The following SYT1 variants were observed in gnomAD, a reference collection of about 807,000 sequenced individuals.
The protein encoded by SYT1 is synaptotagmin 1.
A neutral mutation model predicts 44.8 loss-of-function variants in SYT1; 8 were observed. The observed-to-expected ratio is 0.18, with a 90% CI of 0.10 to 0.32. The LOEUF (loss-of-function observed/expected upper bound fraction) is 0.32. Ranked by LOEUF, SYT1 falls within the 10% of genes least tolerant of loss-of-function variation. The pLI is 1.00. For synonymous variants in SYT1, 154 were observed against 188.8 expected, an observed-to-expected ratio of 0.82 and a Z score of 1.51; for missense variants, 286 against 509.3, an observed-to-expected ratio of 0.56 and a Z score of 4.22.
At position 79,040,247 on chromosome 12, in the gene SYT1, A is replaced by G. The variant is rs1439338624; in HGVS notation, c.-83-7050A>G. ...AGTTTACAGTCCCACCAACAGTGTAAAAGTGTTCCTATTTCTCCACATCCT... is the reference window on the plus strand; with the variant it reads ...AGTTTACAGTCCCACCAACAGTGTAGAAGTGTTCCTATTTCTCCACATCCT... On this transcript the variant is annotated intron_variant, in intron 2 of 10. Coordinates refer to ENST00000261205, the MANE Select transcript of SYT1 (RefSeq NM_005639.3). Among the ~76,000 whole-genome samples, 10 of 150,736 alleles carry G rather than the reference A, an allele frequency of 6.6e-5. No homozygotes were observed. In the East Asian group the frequency reaches 9.9e-4, roughly 15 times the overall value.
chr12:79,315,229 G>C (rs1394943254), intron 8 of SYT1, among the ~76,000 whole-genome samples: 1 of 151,174 alleles, frequency 6.6e-6, no homozygotes, highest in Non-Finnish European at 1.5e-5. Context: ...AAAATTATTT[G>C]AGACAGGGTC....
At chr12:79,117,712 T>TATAAATAA (rs1555199609) in intron 3 of SYT1, among the ~76,000 whole-genome samples, 1 of 85,334 alleles carries the variant, frequency 1.2e-5, no homozygotes, top group Non-Finnish European at 2.3e-5. Context: ...TATATATATA[T>TATAAATAA]ATAAAATAAA....
At chr12:78,973,925 AAAAAAAAAAAAAAATATATAT>A (rs1868568909) in intron 1 of SYT1, among the ~76,000 whole-genome samples, 3 of 31,206 alleles carry the variant, frequency 9.6e-5, no homozygotes, top group African/African-American at 3.6e-4. Context: ...CCAAAAAAAA[AAAAAAAAAAAAAAATATATAT>A]ATATATATAT....
chr12:79,244,220 T>C (rs1318599017), intron 4 of SYT1, among the ~76,000 whole-genome samples: 1 of 152,234 alleles, frequency 6.6e-6, no homozygotes, highest in African/African-American at 2.4e-5. Flanking sequence ...CCTTCATCAC[T>C]ATCATTGGCT....
At chr12:78,888,673 C>T (rs1029124487) in intron 1 of SYT1, among the ~76,000 whole-genome samples, 2 of 151,872 alleles carry the variant, frequency 1.3e-5, no homozygotes, top group African/African-American at 4.8e-5. Flanking sequence ...ACCTTCTGAA[C>T]TCCTCTTTAC....
At chr12:78,942,723 T>A (rs535278684) in intron 1 of SYT1, among the ~76,000 whole-genome samples, 7 of 152,352 alleles carry the variant, frequency 4.6e-5, no homozygotes, top group African/African-American at 1.7e-4. Context: ...TTCTGACTTA[T>A]CTCGCCATCC....
intron 10 of SYT1, among the ~76,000 whole-genome samples, chr12:79,448,112 A>ATAGGT (rs1870836550): frequency 6.6e-6 from 1 of 152,206 alleles, no homozygotes; most frequent in Admixed American, 6.5e-5. Context: ...CCATAATGGT[A>ATAGGT]TAGGTTTGCT....
At chr12:78,900,590 A>G (rs1327164454) in intron 1 of SYT1, among the ~76,000 whole-genome samples, 2 of 151,938 alleles carry the variant, frequency 1.3e-5, no homozygotes, top group South Asian at 2.1e-4. Context: ...GTGTGTCTGA[A>G]AAATGGAGAG....
intron 10 of SYT1, among the ~76,000 whole-genome samples, chr12:79,446,311 T>A (rs1412845886): frequency 1.3e-5 from 2 of 151,826 alleles, no homozygotes; most frequent in African/African-American, 4.8e-5. Flanking sequence ...GTCCTCTCTT[T>A]TTCAAGTTAA....
At position 78,917,081 on chromosome 12, in the gene SYT1, C is replaced by T. The variant is rs112737462; in HGVS notation, c.-217+51972C>T. The stretch of plus-strand genomic sequence containing the variant: ...ACCTGGGACCACAGGCATGCACCAC[C>T]ATGCAGAGCTATTTTTTTTATATTT... On this transcript the variant is annotated intron_variant, in intron 1 of 10. Coordinates refer to ENST00000261205, the MANE Select transcript of SYT1 (RefSeq NM_005639.3). 3.3e-3 allele frequency among the ~76,000 whole-genome samples: 506 copies of T among 152,042 alleles called. 2 individuals are homozygous for T. The highest frequency in any genetic ancestry group is 5.6e-3 in the Non-Finnish European group (378 of 67,952).
At position 79,384,987 on chromosome 12, in the gene SYT1, A is replaced by ATTTT. The variant is rs3067387; in HGVS notation, c.928+31384_928+31387dup. 5.2e-4 allele frequency among the ~76,000 whole-genome samples: 67 copies of ATTTT among 129,896 alleles called. 3 individuals are homozygous for ATTTT. Among genetic ancestry groups the ATTTT allele is most frequent in the Non-Finnish European group, 6.5e-4 (41 of 62,956 alleles). 85.2% of individuals were successfully genotyped at this position (129,896 alleles called of 152,430 possible). A position where few individuals can be genotyped will look rare whatever the true frequency, so the allele number is the denominator to read the frequency against. On this transcript the variant is annotated intron_variant, in intron 9 of 10. Coordinates refer to ENST00000261205, the MANE Select transcript of SYT1 (RefSeq NM_005639.3). Reference sequence around the variant, plus strand: ...AGCAGCTAATGGAAGGGACCACTGGATTTTTTTTTTTTTTTTTTTGAGACA... The same window carrying ATTTT: ...AGCAGCTAATGGAAGGGACCACTGGATTTTTTTTTTTTTTTTTTTTTTTGAGACA...
chr12:79,386,307 T>C (rs11114049), intron 9 of SYT1, among the ~76,000 whole-genome samples: 18,324 of 99,340 alleles, frequency 0.18, 1,180 homozygotes, highest in Non-Finnish European at 0.26. Context: ...AATACATTTT[T>C]GGGTTTTTTT....
chr12:79,229,686 C>T (rs1275064060), intron 4 of SYT1, among the ~76,000 whole-genome samples: 2 of 151,908 alleles, frequency 1.3e-5, no homozygotes, highest in Admixed American at 6.6e-5. Context: ...TTCCGCTTCC[C>T]GGGTTCAAGC....
intron 3 of SYT1, among the ~76,000 whole-genome samples, chr12:79,145,181 A>G (rs1375997700): frequency 6.6e-6 from 1 of 152,186 alleles, no homozygotes; most frequent in African/African-American, 2.4e-5. Flanking sequence ...AATGCTTTAG[A>G]TGGTAACAAA....
rs570530314 is a variant in SYT1, at chr12:79,256,776, A to G, written c.167-29011A>G. On this transcript the variant is annotated intron_variant, in intron 4 of 10. Coordinates refer to ENST00000261205, the MANE Select transcript of SYT1 (RefSeq NM_005639.3). ...AAGAAAAATGCCATCTACTCAAGTTAATTAATCCATGTTTCTCATTTGTTT... is the reference window on the plus strand; with the variant it reads ...AAGAAAAATGCCATCTACTCAAGTTGATTAATCCATGTTTCTCATTTGTTT... Among the ~76,000 whole-genome samples the G allele has an allele frequency of 2.6e-5, 4 of 152,328 alleles. No homozygotes were observed. The East Asian group carries it at 7.7e-4, about 29-fold the overall frequency.
intron 1 of SYT1, among the ~76,000 whole-genome samples, chr12:78,876,756 TTA>T (rs1170394424): frequency 8.2e-5 from 6 of 73,356 alleles, no homozygotes; most frequent in East Asian, 4.1e-4. Flanking sequence ...ATATTGTATA[TTA>T]TATATATTAT....
chr12:79,392,798 C>CTTTTTTTTTT (rs755888075), intron 9 of SYT1: 2 of 98,878 alleles, frequency 2.0e-5, no homozygotes, highest in Non-Finnish European at 2.1e-5. Flanking sequence ...ATTTTTCTTT[C>CTTTTTTTTTT]TTTTTTTTTT....
At chr12:79,196,553 G>T (rs1030326847) in intron 3 of SYT1, among the ~76,000 whole-genome samples, 7 of 152,154 alleles carry the variant, frequency 4.6e-5, no homozygotes, top group African/African-American at 1.7e-4. Context: ...GGAGGAAAAG[G>T]AATTAGTCCA....
At chr12:79,143,019 T>C (rs1400237540) in intron 3 of SYT1, among the ~76,000 whole-genome samples, 2 of 152,172 alleles carry the variant, frequency 1.3e-5, no homozygotes, top group Non-Finnish European at 2.9e-5. Context: ...AACCCTAGAT[T>C]GTCTTCATGT....
Sources: gnomAD v4.1 joint callset for allele counts (sites outside exome capture counted in the v4.1 genomes callset) on GRCh38, gnomAD v4.1.1 for gene constraint, MANE v1.5 for transcripts, NCBI Gene and HGNC (gene_info 2026-07-23, HGNC 2026-07-21) for gene names.